Variants in WWOX observed in about 807,000 individuals in gnomAD.
The protein encoded by WWOX is WW domain-containing oxidoreductase.
A neutral mutation model predicts 46.2 loss-of-function variants in WWOX; 69 were observed. The observed-to-expected ratio is 1.49, with a 90% confidence interval of 1.23 to 1.82. The LOEUF (loss-of-function observed/expected upper bound fraction) is 1.82. Among genes scored for constraint, WWOX ranks in the 40% most tolerant of loss-of-function variants. The probability of loss-of-function intolerance (pLI) is 0.00; values close to 1 mark genes in which losing one functional copy is unlikely to be tolerated. For synonymous variants in WWOX, 359 were observed against 202.6 expected (o/e 1.77, Z -6.56); for missense variants, 919 against 542.6 (o/e 1.69, Z -6.89).
intron 6 of WWOX, among the ~76,000 whole-genome samples, chr16:78,407,165 AT>A (rs370591059): frequency 2.0e-5 from 3 of 152,068 alleles, no homozygotes; most frequent in African/African-American, 7.2e-5. Flanking sequence ...ATTCTACATT[AT>A]TTTTTTCCCT....
At chr16:78,513,518 G>T (rs1416015932) in intron 8 of WWOX, among the ~76,000 whole-genome samples, 1 of 152,078 alleles carries the variant, frequency 6.6e-6, no homozygotes, top group African/African-American at 2.4e-5. Context: ...TTGCTTTTGG[G>T]TTGAATTCCA....
chr16:79,008,444 CA>C lies in WWOX; in HGVS notation c.1057-203163del, dbSNP rs1329506338. 2.0e-5 allele frequency among the ~76,000 whole-genome samples: 3 copies of C among 152,148 alleles called. No homozygotes were observed. The East Asian group carries it at 5.8e-4, about 29-fold the overall frequency. On this transcript the variant is annotated intron_variant, in intron 8 of 8. Coordinates refer to ENST00000566780, the MANE Select transcript of WWOX (RefSeq NM_016373.4). ...TCCCCCTTTGCTTGGTAGCCTAACT[CA>C]CTCAGGGGGGCAAATTATCCCATCA...
rs71384369 is a variant in WWOX, at chr16:78,261,788, C to CTATATATA, written c.516+97522_516+97529dup. 1.0e-3 allele frequency among the ~76,000 whole-genome samples: 75 copies of CTATATATA among 73,732 alleles called. 1 individual carries two copies. Among genetic ancestry groups the CTATATATA allele is most frequent in the Non-Finnish European group, 1.4e-3 (53 of 36,614 alleles). 48.4% of individuals were successfully genotyped at this position (73,732 alleles called of 152,430 possible). On this transcript the variant is annotated intron_variant, in intron 5 of 8. Transcript: ENST00000566780. ...TCTATCTATGTATCTATCTATCTAT[C>CTATATATA]TATATATATATATATATATATATAT...
chr16:78,865,804 C>G (rs867739208), intron 8 of WWOX, among the ~76,000 whole-genome samples: 16 of 152,164 alleles, frequency 1.1e-4, no homozygotes, highest in African/African-American at 3.9e-4. Context: ...CACTTGAACT[C>G]GGAAGGCAGA....
At chr16:79,030,622 C>G (rs1266200452) in intron 8 of WWOX, among the ~76,000 whole-genome samples, 1 of 152,180 alleles carries the variant, frequency 6.6e-6, no homozygotes, top group South Asian at 2.1e-4. Context: ...ATTAGACACC[C>G]TTGTTTTCGT....
intron 4 of WWOX, among the ~76,000 whole-genome samples, chr16:78,148,301 C>T (rs570081562): frequency 1.1e-4 from 17 of 152,198 alleles, no homozygotes; most frequent in Non-Finnish European, 1.9e-4. Flanking sequence ...TGTGTGTGCA[C>T]GTGTGTGCGC....
At chr16:78,375,100 A>C (rs1428518070) in intron 5 of WWOX, among the ~76,000 whole-genome samples, 1 of 152,226 alleles carries the variant, frequency 6.6e-6, no homozygotes, top group Non-Finnish European at 1.5e-5. Flanking sequence ...AATATTTTCC[A>C]GTTTATCTAT....
At chr16:78,971,448 CAAAAAAAAAAAAA>C (rs71140852) in intron 8 of WWOX, among the ~76,000 whole-genome samples, 7 of 111,916 alleles carry the variant, frequency 6.3e-5, no homozygotes, top group Admixed American at 1.8e-4. Flanking sequence ...GACTCTGTGT[CAAAAAAAAAAAAA>C]AAAAAAAAAA....
chr16:78,787,800 C>G (rs1195771705), intron 8 of WWOX, among the ~76,000 whole-genome samples: 1 of 152,152 alleles, frequency 6.6e-6, no homozygotes, highest in Non-Finnish European at 1.5e-5. Flanking sequence ...TATGAAGGTT[C>G]CAATTTCTCC....
intron 8 of WWOX, among the ~76,000 whole-genome samples, chr16:79,003,920 G>A (rs535920035): frequency 2.0e-4 from 30 of 152,298 alleles, no homozygotes; most frequent in African/African-American, 6.7e-4. Context: ...TTGATGGGCA[G>A]ATTTTATCAC....
intron 8 of WWOX, among the ~76,000 whole-genome samples, chr16:79,180,176 G>C (rs1348185036): frequency 6.6e-6 from 1 of 152,172 alleles, no homozygotes; most frequent in Non-Finnish European, 1.5e-5. Flanking sequence ...CGACGCTGGT[G>C]CCTAACTTCT....
chr16:78,174,245 G>T (rs554067563), intron 5 of WWOX, among the ~76,000 whole-genome samples: 2 of 152,192 alleles, frequency 1.3e-5, no homozygotes, highest in Admixed American at 6.5e-5. Flanking sequence ...GAGGCGAAAG[G>T]CACTTCTTAT....
At chr16:78,817,643 C>G (rs946407991) in intron 8 of WWOX, among the ~76,000 whole-genome samples, 1 of 152,158 alleles carries the variant, frequency 6.6e-6, no homozygotes, top group African/African-American at 2.4e-5. Flanking sequence ...CCTGTTAAGT[C>G]CTGTACTCCT....
At chr16:79,133,402 A>G (rs541206235) in intron 8 of WWOX, among the ~76,000 whole-genome samples, 30 of 152,344 alleles carry the variant, frequency 2.0e-4, no homozygotes, top group Admixed American at 3.3e-4. Context: ...ATTGATGTCA[A>G]TATAAACTAT....
chr16:78,936,809 G>A (rs1455126185), intron 8 of WWOX, among the ~76,000 whole-genome samples: 1 of 152,128 alleles, frequency 6.6e-6, no homozygotes, highest in African/African-American at 2.4e-5. Flanking sequence ...CTAGAGTATG[G>A]TTTTAATCCA....
chr16:78,148,303 T>A (rs1409663620), intron 4 of WWOX, among the ~76,000 whole-genome samples: 8 of 152,194 alleles, frequency 5.3e-5, no homozygotes, highest in Non-Finnish European at 1.2e-4. Flanking sequence ...TGTGTGCACG[T>A]GTGTGCGCAT....
At chr16:78,451,262 A>T (rs377091180) in intron 8 of WWOX, among the ~76,000 whole-genome samples, 5 of 152,228 alleles carry the variant, frequency 3.3e-5, no homozygotes, top group African/African-American at 1.2e-4. Context: ...GAAGATATGA[A>T]ATGTATTTGA....
intron 8 of WWOX, among the ~76,000 whole-genome samples, chr16:78,966,986 A>G (rs868402258): frequency 6.6e-6 from 1 of 152,166 alleles, no homozygotes; most frequent in African/African-American, 2.4e-5. Context: ...ATTAACATTT[A>G]TTATTGTCTC....
intron 5 of WWOX, among the ~76,000 whole-genome samples, chr16:78,191,630 G>C (rs758681208): frequency 8.6e-5 from 13 of 152,022 alleles, no homozygotes; most frequent in Non-Finnish European, 1.8e-4. Context: ...CTGTTTTATA[G>C]CTCCAGTTTG....
Sources: gnomAD v4.1 joint callset for allele counts (sites outside exome capture counted in the v4.1 genomes callset) on GRCh38, gnomAD v4.1.1 for gene constraint, MANE v1.5 for transcripts, NCBI Gene and HGNC (gene_info 2026-07-23, HGNC 2026-07-21) for gene names.